The following FASTKD1 variants were observed in gnomAD, a reference collection of about 807,000 sequenced individuals.
FASTKD1 encodes FAST kinase domain-containing protein 1, mitochondrial.
A neutral mutation model predicts 90.9 loss-of-function variants in FASTKD1; 94 were observed. The ratio of observed to expected loss-of-function variants is 1.03; its 90% CI spans 0.88 to 1.23. FASTKD1 has a LOEUF of 1.23. Among genes scored for constraint, FASTKD1 ranks in the 50% most tolerant of loss-of-function variants. The pLI, the probability that FASTKD1 is intolerant of heterozygous loss-of-function variation, is 0.00. For missense variants in FASTKD1, 945 were observed against 993.5 expected (o/e 0.95, Z 0.66); for synonymous variants, 319 against 345.8 (o/e 0.92, Z 0.86).
chr2:169,536,804 G>A (rs376018543), intron 12 of FASTKD1, among the ~76,000 whole-genome samples: 2 of 152,188 alleles, frequency 1.3e-5, no homozygotes, highest in South Asian at 4.1e-4. Flanking sequence ...CAGTATCTTT[G>A]GAAATCTTTA....
At chr2:169,557,945 CAT>C (rs1460849782) in intron 5 of FASTKD1, among the ~76,000 whole-genome samples, 5 of 152,174 alleles carry the variant, frequency 3.3e-5, no homozygotes, top group Non-Finnish European at 7.3e-5. Flanking sequence ...TGGATAACTC[CAT>C]GCCATCCTTT....
At chr2:169,565,717 T>A (rs923384981) in intron 3 of FASTKD1, among the ~76,000 whole-genome samples, 2 of 152,246 alleles carry the variant, frequency 1.3e-5, no homozygotes, top group East Asian at 3.8e-4. Flanking sequence ...GCAGTGGGAT[T>A]ACTGGATCAC....
At chr2:169,548,217 A>C (rs577957797) in intron 7 of FASTKD1, among the ~76,000 whole-genome samples, 1 of 152,152 alleles carries the variant, frequency 6.6e-6, no homozygotes, top group South Asian at 2.1e-4. Flanking sequence ...CTTGGGTTCA[A>C]TTTCTGATAT....
chr2:169,548,472 C>G (rs943880988), intron 7 of FASTKD1, among the ~76,000 whole-genome samples: 1 of 151,020 alleles, frequency 6.6e-6, no homozygotes, highest in Non-Finnish European at 1.5e-5. Context: ...TGGCTCACAC[C>G]TTTAATTCCA....
intron 2 of FASTKD1, among the ~76,000 whole-genome samples, chr2:169,569,476 C>T (rs976911512): frequency 1.3e-5 from 2 of 152,130 alleles, no homozygotes; most frequent in Non-Finnish European, 2.9e-5. Context: ...CTGCTTATTT[C>T]AATACCCATG....
intron 5 of FASTKD1, among the ~76,000 whole-genome samples, chr2:169,558,802 T>C (rs1683449715): frequency 6.6e-6 from 1 of 151,752 alleles, no homozygotes; most frequent in South Asian, 2.1e-4. Context: ...TTGGCCAGGC[T>C]GGTCTCAAAC....
chr2:169,536,144 C>T (rs1252356942), intron 12 of FASTKD1, among the ~76,000 whole-genome samples: 3 of 152,086 alleles, frequency 2.0e-5, no homozygotes, highest in African/African-American at 7.2e-5. Context: ...ATTCATTGAG[C>T]ACTTACTATG....
At chr2:169,553,603 G>A (rs1193487684) in intron 7 of FASTKD1, among the ~76,000 whole-genome samples, 2 of 152,054 alleles carry the variant, frequency 1.3e-5, no homozygotes, top group Non-Finnish European at 2.9e-5. Flanking sequence ...TCAACTATAT[G>A]CTTGGTCTTT....
chr2:169,572,597 C>T (rs112705872), intron 1 of FASTKD1, among the ~76,000 whole-genome samples: 4,659 of 150,464 alleles, frequency 0.031, 270 homozygotes, highest in African/African-American at 0.11. Context: ...GGTTTATTTG[C>T]TTTCAGGATA....
At position 169,562,109 on chromosome 2, in the gene FASTKD1, A is replaced by G. The variant is rs891232385; in HGVS notation, c.572+1116T>C. ...TTAATTTATTGTAAAATAATTATTT[A>G]TTAATTTATTGTAAATTAATTATTT... On this transcript the variant is annotated intron_variant, in intron 4 of 14. Coordinates refer to ENST00000453153, the MANE Select transcript of FASTKD1 (RefSeq NM_024622.6). 2.5e-4 allele frequency among the ~76,000 whole-genome samples: 30 copies of G among 120,124 alleles called. 1 individual carries two copies. The highest frequency in any genetic ancestry group is 5.0e-4 in the South Asian group (2 of 3,994). 78.8% of individuals were successfully genotyped at this position (120,124 alleles called of 152,430 possible).
intron 4 of FASTKD1, among the ~76,000 whole-genome samples, chr2:169,561,850 A>G (rs1683657169): frequency 2.1e-5 from 3 of 141,632 alleles, no homozygotes; most frequent in Admixed American, 1.4e-4. Context: ...ATTATTTATT[A>G]ATTTATTGTA....
At chr2:169,538,367 G>A (rs1230470841) in intron 10 of FASTKD1, among the ~76,000 whole-genome samples, 1 of 152,090 alleles carries the variant, frequency 6.6e-6, no homozygotes, top group African/African-American at 2.4e-5. Context: ...AATCATGAAC[G>A]TTAAAAGTAC....
intron 5 of FASTKD1, among the ~76,000 whole-genome samples, chr2:169,558,444 T>C (rs1683426292): frequency 1.3e-5 from 2 of 151,452 alleles, no homozygotes; most frequent in Admixed American, 6.6e-5. Flanking sequence ...TAATTATTTT[T>C]TGTATTTTTT....
intron 9 of FASTKD1, among the ~76,000 whole-genome samples, chr2:169,544,024 C>T (rs1179863001): frequency 3.3e-5 from 5 of 151,946 alleles, no homozygotes; most frequent in East Asian, 3.9e-4. Context: ...TTAGGTGTGG[C>T]AACAGTATTG....
intron 12 of FASTKD1, 134 bp downstream of exon 12, chr2:169,537,093 C>G: frequency 1.7e-6 from 1 of 586,256 alleles, no homozygotes; most frequent in Non-Finnish European, 3.0e-6. Flanking sequence ...TTTCTATCTC[C>G]GTTTGAAAAT....
At position 169,569,214 on chromosome 2, in the gene FASTKD1, A is replaced by G; in HGVS notation, c.416T>C (p.Leu139Pro). The G allele has an allele frequency of 6.2e-7, 1 of 1,614,116 alleles. No individual in the cohort carries two copies. The highest frequency in any genetic ancestry group is 8.5e-7 in the Non-Finnish European group (1 of 1,180,004). ...TAGCCTTCTCCATGCTTCTGTAACT[A>G]GTGCTTCAACTAGCGGGTCATGGGC... Reference protein sequence around the residue: ...GEAHDPLVEALVTEAWRRLER... With the variant: ...GEAHDPLVEAPVTEAWRRLER... The change falls in exon 3 of 15, where the codon CTA becomes CCA. Residue 139 changes from leucine (L) to proline (P), a missense_variant. Coordinates refer to ENST00000453153, the MANE Select transcript of FASTKD1 (RefSeq NM_024622.6).
At chr2:169,563,128 T>G (rs1683782691) in intron 4 of FASTKD1, 97 bp downstream of exon 4, 1 of 1,220,334 alleles carries the variant, frequency 8.2e-7, no homozygotes, top group African/African-American at 1.5e-5. Flanking sequence ...TTAAGTAACC[T>G]TAAGTCACAT....
intron 7 of FASTKD1, among the ~76,000 whole-genome samples, chr2:169,550,636 A>C (rs1357037949): frequency 1.3e-5 from 2 of 151,960 alleles, no homozygotes; most frequent in Admixed American, 1.3e-4. Flanking sequence ...GAACTACTAC[A>C]CCCTGCTAAT....
Position 169,531,391 on chromosome 2 carries a change from A to ATATTTTT in FASTKD1, c.2287_2288insAAAAATA (p.Ile763LysfsTer15). On this transcript the variant is annotated frameshift_variant, in exon 13 of 15. Transcript: ENST00000453153. LOFTEE classifies it high-confidence loss of function. ...TGGCAGCCTTGATCCAACTATTTCG[A>ATATTTTT]TATTTGATTCCCAGGGCATTTCTGG... 6.2e-7 allele frequency: 1 copy of ATATTTTT among 1,613,414 alleles called. No homozygotes were observed. Among genetic ancestry groups the ATATTTTT allele is most frequent in the Non-Finnish European group, 8.5e-7 (1 of 1,179,894 alleles).
Sources: gnomAD v4.1 joint callset for allele counts (sites outside exome capture counted in the v4.1 genomes callset) on GRCh38, gnomAD v4.1.1 for gene constraint, MANE v1.5 for transcripts, NCBI Gene and HGNC (gene_info 2026-07-23, HGNC 2026-07-21) for gene names.